Variants in NTM observed in about 807,000 individuals in gnomAD.
The protein encoded by NTM is neurotrimin, also known as IgLON family member 2.
A neutral mutation model predicts 42.1 loss-of-function variants in NTM; 13 were observed. That is an observed-to-expected ratio of 0.31 (90% CI 0.20 to 0.49). The LOEUF (loss-of-function observed/expected upper bound fraction) is 0.49. Ranked by LOEUF, NTM falls within the 20% of genes least tolerant of loss-of-function variation. The pLI, the probability that NTM is intolerant of heterozygous loss-of-function variation, is 0.99. For synonymous variants in NTM, 187 were observed against 179.2 expected (o/e 1.04, Z -0.35); for missense variants, 373 against 452.8 (o/e 0.82, Z 1.60).
chr11:132,267,049 C>G (rs932266930), intron 4 of NTM, among the ~76,000 whole-genome samples: 2 of 152,158 alleles, frequency 1.3e-5, no homozygotes, highest in African/African-American at 4.8e-5. Flanking sequence ...GGCCACCCAC[C>G]ATTTATCAAC....
rs564097795 is a variant in NTM at position 131,633,470 on chromosome 11, C to T, written c.82+262582C>T. On this transcript the variant is annotated intron_variant, in intron 1 of 8. Transcript: ENST00000683400. The stretch of plus-strand genomic sequence containing the variant: ...GAAGGTTGTTCTGTCTTCTAGTCTT[C>T]AAAGGAGTTTCAGTTTGCTGCATAT... Among the ~76,000 whole-genome samples, 12 of 152,292 alleles carry T rather than the reference C, an allele frequency of 7.9e-5. No homozygotes were observed. In the South Asian group the frequency reaches 2.5e-3, roughly 32 times the overall value.
rs2095248739 is a variant in NTM at position 132,310,526 on chromosome 11, AT to A, written c.782+300del. ...ACCAGGAGCATTGTAAGGCCTGTGA[AT>A]TTTTTATAGGCCAAGAACATAATGT... On this transcript the variant is annotated intron_variant, in intron 6 of 8. Transcript: ENST00000683400. Among the ~76,000 whole-genome samples the A allele has an allele frequency of 3.3e-5, 5 of 152,266 alleles. No homozygotes were observed. In the South Asian group the frequency reaches 1.0e-3, roughly 32 times the overall value.
chr11:131,584,527 C>G (rs1336019165), intron 1 of NTM, among the ~76,000 whole-genome samples: 4 of 152,146 alleles, frequency 2.6e-5, no homozygotes, highest in Non-Finnish European at 4.4e-5. Context: ...GAATAAAACG[C>G]TGGGTCCCAT....
At chr11:132,106,326 A>G (rs1357016926) in intron 2 of NTM, among the ~76,000 whole-genome samples, 1 of 152,186 alleles carries the variant, frequency 6.6e-6, no homozygotes, top group African/African-American at 2.4e-5. Context: ...AGCTTTTCCA[A>G]GATGGAAGTC....
At chr11:131,984,094 A>G (rs979801977) in intron 2 of NTM, among the ~76,000 whole-genome samples, 3 of 152,240 alleles carry the variant, frequency 2.0e-5, no homozygotes, top group African/African-American at 7.2e-5. Flanking sequence ...TCATAGCTAC[A>G]GTAGGCATTT....
At chr11:131,668,359 T>G (rs1179908366) in intron 1 of NTM, among the ~76,000 whole-genome samples, 1 of 151,980 alleles carries the variant, frequency 6.6e-6, no homozygotes, top group Non-Finnish European at 1.5e-5. Flanking sequence ...TATTCCCAGG[T>G]AGTACTACTA....
intron 1 of NTM, among the ~76,000 whole-genome samples, chr11:131,557,514 C>T (rs943510887): frequency 5.3e-5 from 8 of 152,212 alleles, no homozygotes; most frequent in African/African-American, 1.4e-4. Context: ...CTATTAAGCG[C>T]TCTCCTTTCT....
intron 2 of NTM, among the ~76,000 whole-genome samples, chr11:132,087,414 G>A (rs754007411): frequency 3.3e-5 from 5 of 152,116 alleles, no homozygotes; most frequent in African/African-American, 4.8e-5. Flanking sequence ...TTTAACTACT[G>A]TTGTCATCTC....
chr11:132,181,955 T>TTTTTTATTATTA (rs375282575), intron 3 of NTM, among the ~76,000 whole-genome samples: 1 of 141,018 alleles, frequency 7.1e-6, no homozygotes, highest in Non-Finnish European at 1.5e-5. Flanking sequence ...CACTATCTAG[T>TTTTTTATTATTA]TTATTATTAT....
intron 1 of NTM, among the ~76,000 whole-genome samples, chr11:131,784,849 C>G (rs575548728): frequency 3.9e-5 from 6 of 152,150 alleles, no homozygotes; most frequent in Non-Finnish European, 8.8e-5. Context: ...TAAATTCTTT[C>G]TCCAAATACC....
intron 1 of NTM, among the ~76,000 whole-genome samples, chr11:131,623,536 A>G (rs903348303): frequency 2.6e-5 from 4 of 152,222 alleles, no homozygotes; most frequent in Non-Finnish European, 5.9e-5. Flanking sequence ...GGCTGCTTGC[A>G]TGTTTAAATG....
At chr11:132,308,581 G>GACTT (rs1264643287) in intron 5 of NTM, among the ~76,000 whole-genome samples, 2 of 151,986 alleles carry the variant, frequency 1.3e-5, no homozygotes, top group African/African-American at 4.8e-5. Flanking sequence ...ATTCCAGGAA[G>GACTT]ACTTACGAAG....
chr11:132,314,259 G>T (rs778944176), intron 6 of NTM, among the ~76,000 whole-genome samples: 3 of 152,180 alleles, frequency 2.0e-5, no homozygotes, highest in Non-Finnish European at 4.4e-5. Flanking sequence ...GCTGGCAGGG[G>T]TTATTTGTTG....
chr11:131,973,382 C>A (rs2063838931), intron 2 of NTM, among the ~76,000 whole-genome samples: 1 of 152,208 alleles, frequency 6.6e-6, no homozygotes, highest in Non-Finnish European at 1.5e-5. Flanking sequence ...TGGAATAGTT[C>A]AGCCCCTCAC....
intron 1 of NTM, among the ~76,000 whole-genome samples, chr11:131,548,425 G>A (rs947428737): frequency 3.9e-5 from 6 of 152,164 alleles, no homozygotes; most frequent in African/African-American, 1.4e-4. Flanking sequence ...AAGGAGGGGT[G>A]AAGCCTGATC....
At chr11:132,208,674 A>G (rs1045323758) in intron 3 of NTM, among the ~76,000 whole-genome samples, 1 of 152,142 alleles carries the variant, frequency 6.6e-6, no homozygotes, top group Admixed American at 6.5e-5. Context: ...ATCATGCAGG[A>G]AGCCAGGAAA....
At chr11:132,263,848 T>C (rs1431014326) in intron 4 of NTM, among the ~76,000 whole-genome samples, 1 of 152,230 alleles carries the variant, frequency 6.6e-6, no homozygotes, top group Non-Finnish European at 1.5e-5. Flanking sequence ...AACATGTCCT[T>C]TATTTCTGTC....
chr11:131,485,115 T>A (rs993547949), intron 1 of NTM, among the ~76,000 whole-genome samples: 23 of 152,214 alleles, frequency 1.5e-4, no homozygotes, highest in Non-Finnish European at 3.1e-4. Flanking sequence ...CTGCCCTTAT[T>A]TGAAATTCTC....
At chr11:131,954,055 T>A (rs2061314841) in intron 2 of NTM, among the ~76,000 whole-genome samples, 1 of 152,178 alleles carries the variant, frequency 6.6e-6, no homozygotes, top group African/African-American at 2.4e-5. Context: ...ATCGGAGGGA[T>A]CCCCAAACTC....
Sources: gnomAD v4.1 joint callset for allele counts (sites outside exome capture counted in the v4.1 genomes callset) on GRCh38, gnomAD v4.1.1 for gene constraint, MANE v1.5 for transcripts, NCBI Gene and HGNC (gene_info 2026-07-23, HGNC 2026-07-21) for gene names.